Variants in ETV6 observed in about 807,000 individuals in gnomAD.
The protein encoded by ETV6 is transcription factor ETV6.
ETV6 carries 16 observed loss-of-function variants against 51.1 expected under a neutral mutation model. That is an observed-to-expected ratio of 0.31 (90% confidence interval 0.21 to 0.48). The LOEUF (loss-of-function observed/expected upper bound fraction) is 0.48. ETV6 is among the 20% of genes least tolerant of loss of function. The pLI, the probability that ETV6 is intolerant of heterozygous loss-of-function variation, is 0.99. For missense variants in ETV6, 458 were observed against 594.8 expected (o/e 0.77, Z 2.39); for synonymous variants, 240 against 224.1 (o/e 1.07, Z -0.64).
chr12:11,891,675 C>T lies in ETV6; in HGVS notation c.*629C>T. 1 of 505,022 alleles carries T rather than the reference C, an allele frequency of 2.0e-6. No homozygotes were observed. The highest frequency in any genetic ancestry group is 3.8e-6 in the Non-Finnish European group (1 of 263,256). The allele number at this position is 505,022 out of a possible 1,614,324, so 31.3% of individuals were successfully genotyped here. A position where few individuals can be genotyped will look rare whatever the true frequency, so the allele number is the denominator to read the frequency against. On this transcript the variant is annotated 3_prime_UTR_variant, in exon 8 of 8. Coordinates refer to ENST00000396373, the MANE Select transcript of ETV6 (RefSeq NM_001987.5). ...TTTTCTCTCTCTTGCTCTGTTCTTC[C>T]CTTGGTCCCCTCTGTCCTCCCGCCC...
rs541870409 is a variant in ETV6, at chr12:11,778,375, G to A, written c.163+25796G>A. Among the ~76,000 whole-genome samples, 3 of 152,318 alleles carry A rather than the reference G, an allele frequency of 2.0e-5. No homozygotes were observed. In the East Asian group the frequency reaches 5.8e-4, roughly 29 times the overall value. ...TCTGTTGTGAGCCACTTGAGGAGAG[G>A]TGTCCCTAGAAGAAACTTTTTTCCC... On this transcript the variant is annotated intron_variant, in intron 2 of 7. Coordinates refer to ENST00000396373, the MANE Select transcript of ETV6 (RefSeq NM_001987.5).
intron 2 of ETV6, among the ~76,000 whole-genome samples, chr12:11,811,649 G>C (rs915409076): frequency 3.3e-5 from 5 of 151,406 alleles, no homozygotes; most frequent in African/African-American, 1.2e-4. Context: ...AGATCATGAA[G>C]GGATGGGAAA....
At chr12:11,776,476 C>T (rs1374626134) in intron 2 of ETV6, among the ~76,000 whole-genome samples, 2 of 151,942 alleles carry the variant, frequency 1.3e-5, no homozygotes, top group Non-Finnish European at 2.9e-5. Flanking sequence ...AAGTCCTGGC[C>T]TCAAGCTATC....
chr12:11,801,157 T>C (rs779963085), intron 2 of ETV6, among the ~76,000 whole-genome samples: 1 of 152,122 alleles, frequency 6.6e-6, no homozygotes, highest in Non-Finnish European at 1.5e-5. Flanking sequence ...GGATGGCAAA[T>C]ACGTGAACAG....
intron 2 of ETV6, among the ~76,000 whole-genome samples, chr12:11,787,263 CAT>C (rs1258049694): frequency 6.6e-6 from 1 of 152,180 alleles, no homozygotes; most frequent in African/African-American, 2.4e-5. Flanking sequence ...TTGTCTAATA[CAT>C]AATGGCCACT....
chr12:11,784,621 T>C (rs1453800633), intron 2 of ETV6, among the ~76,000 whole-genome samples: 3 of 152,114 alleles, frequency 2.0e-5, no homozygotes, highest in African/African-American at 7.2e-5. Flanking sequence ...TCTAAAGTGA[T>C]TGGCAAGTGA....
At chr12:11,775,705 T>C (rs1945312922) in intron 2 of ETV6, among the ~76,000 whole-genome samples, 1 of 152,156 alleles carries the variant, frequency 6.6e-6, no homozygotes, top group Non-Finnish European at 1.5e-5. Flanking sequence ...GAGTCCACAT[T>C]TATAAGTTTT....
Position 11,830,376 on chromosome 12 carries a change from C to T in ETV6, c.164-8764C>T, listed in dbSNP as rs76275756. Among the ~76,000 whole-genome samples the T allele has an allele frequency of 4.8e-3, 727 of 152,338 alleles. 3 individuals are homozygous for T. The highest frequency in any genetic ancestry group is 0.017 in the African/African-American group (686 of 41,570). On this transcript the variant is annotated intron_variant, in intron 2 of 7. Transcript: ENST00000396373. Reference sequence around the variant, plus strand: ...ACTGGGTAATACAGAAAGCCTGGAGCTGGAGTTTTGGTCTTAGGTTCATTG... The same window carrying T: ...ACTGGGTAATACAGAAAGCCTGGAGTTGGAGTTTTGGTCTTAGGTTCATTG...
chr12:11,672,058 T>C (rs1017157516), intron 1 of ETV6, among the ~76,000 whole-genome samples: 7 of 151,512 alleles, frequency 4.6e-5, no homozygotes, highest in Non-Finnish European at 1.0e-4. Context: ...GATGTACGCA[T>C]AAAACACTTG....
At chr12:11,844,471 A>C (rs73277162) in intron 3 of ETV6, among the ~76,000 whole-genome samples, 205 of 152,324 alleles carry the variant, frequency 1.3e-3, no homozygotes, top group African/African-American at 4.7e-3. Flanking sequence ...TGCTTTGCTT[A>C]TATTTTTCAA....
chr12:11,761,835 A>G (rs551421791), intron 2 of ETV6, among the ~76,000 whole-genome samples: 6 of 152,326 alleles, frequency 3.9e-5, no homozygotes, highest in South Asian at 4.1e-4. Flanking sequence ...CCCCAACTCA[A>G]TCGTCGCATT....
chr12:11,699,401 G>A (rs779286238), intron 1 of ETV6, among the ~76,000 whole-genome samples: 1 of 151,944 alleles, frequency 6.6e-6, no homozygotes, highest in Non-Finnish European at 1.5e-5. Context: ...CATAAAACAC[G>A]AATCATCTGG....
At chr12:11,728,475 T>G (rs2416885) in intron 1 of ETV6, among the ~76,000 whole-genome samples, 2 of 78,408 alleles carry the variant, frequency 2.6e-5, no homozygotes, top group Non-Finnish European at 3.4e-5. Flanking sequence ...GAATGACACA[T>G]GTGAGGGATC....
chr12:11,791,633 A>G (rs1169663268), intron 2 of ETV6, among the ~76,000 whole-genome samples: 1 of 152,248 alleles, frequency 6.6e-6, no homozygotes, highest in East Asian at 1.9e-4. Flanking sequence ...AAATCTATGG[A>G]AGAATCTGGA....
chr12:11,753,736 G>A (rs761378949), intron 2 of ETV6, among the ~76,000 whole-genome samples: 10 of 152,224 alleles, frequency 6.6e-5, no homozygotes, highest in African/African-American at 9.6e-5. Context: ...CACTGCCGCC[G>A]GCTTATGCCT....
At chr12:11,705,563 C>T (rs770447356) in intron 1 of ETV6, among the ~76,000 whole-genome samples, 1 of 152,210 alleles carries the variant, frequency 6.6e-6, no homozygotes, top group Non-Finnish European at 1.5e-5. Flanking sequence ...TTAGTCTGGT[C>T]TAGCCTGCTG....
chr12:11,807,952 A>G (rs867488436), intron 2 of ETV6, among the ~76,000 whole-genome samples: 2 of 152,300 alleles, frequency 1.3e-5, no homozygotes, highest in Middle Eastern at 3.4e-3. Flanking sequence ...TAGTAGGAGC[A>G]TACGTTTTTG....
chr12:11,803,918 T>TATC (rs56102557), intron 2 of ETV6, among the ~76,000 whole-genome samples: 11,947 of 152,144 alleles, frequency 0.079, 559 homozygotes, highest in Middle Eastern at 0.13. Context: ...ATATTATTAG[T>TATC]ATCATCATCA....
At chr12:11,722,229 G>C (rs376596211) in intron 1 of ETV6, among the ~76,000 whole-genome samples, 2 of 152,280 alleles carry the variant, frequency 1.3e-5, no homozygotes, top group Non-Finnish European at 2.9e-5. Flanking sequence ...GAGAAAAGTC[G>C]ACTGGTTTGA....
Sources: gnomAD v4.1 joint callset for allele counts (sites outside exome capture counted in the v4.1 genomes callset) on GRCh38, gnomAD v4.1.1 for gene constraint, MANE v1.5 for transcripts, NCBI Gene and HGNC (gene_info 2026-07-23, HGNC 2026-07-21) for gene names.